SVOP: variants seen among roughly 807,000 people sequenced by gnomAD.
SVOP encodes the protein SV2 related protein, also known as synaptic vesicle 2-related protein.
In SVOP, 17 loss-of-function variants were observed where a neutral mutation model predicts 69.1. The ratio of observed to expected loss-of-function variants is 0.25; its 90% CI spans 0.17 to 0.37. The LOEUF is 0.37. Ranked by LOEUF, SVOP falls within the 10% of genes least tolerant of loss-of-function variation. The probability of loss-of-function intolerance (pLI) is 1.00; values close to 1 mark genes in which losing one functional copy is unlikely to be tolerated. For missense variants in SVOP, 435 were observed against 597.5 expected (o/e 0.73, Z 2.84); for synonymous variants, 238 against 238.6 (o/e 1.00, Z 0.02).
chr12:108,972,441 G>A lies in SVOP; in HGVS notation c.417C>T (p.Leu139=). 1 of 1,537,242 alleles carries A rather than the reference G, an allele frequency of 6.5e-7. No individual in the cohort carries two copies. The highest frequency in any genetic ancestry group is 8.7e-7 in the Non-Finnish European group (1 of 1,146,910). The change falls in exon 5 of 16, where the codon CTC becomes CTT. Residue 139 remains leucine, a synonymous_variant. Coordinates refer to ENST00000610966, the MANE Select transcript of SVOP (RefSeq NM_018711.5). ...VFVGMMSSST[L]WGNISDQYGR... Reference sequence around the variant, plus strand: ...CGTACTGGTCTGAGATATTTCCCCAGAGCGTGGAGCTGGACATCATGCCTA... The same window carrying A: ...CGTACTGGTCTGAGATATTTCCCCAAAGCGTGGAGCTGGACATCATGCCTA...
rs1468034543 is a variant in SVOP at position 108,912,286 on chromosome 12, T to C, written c.*249A>G. 2 of 1,384,706 alleles carry C rather than the reference T, an allele frequency of 1.4e-6. No individual in the cohort carries two copies. The highest frequency in any genetic ancestry group is 1.9e-6 in the Non-Finnish European group (2 of 1,070,970). 85.8% of individuals were successfully genotyped at this position (1,384,706 alleles called of 1,614,324 possible). ...TCCTAATATGGGTAGTCTTCCCATG[T>C]AGATCCACAGGTTATGAACAAAGCT... is the stretch of plus-strand genomic sequence containing the variant. On this transcript the variant is annotated 3_prime_UTR_variant, in exon 16 of 16. Transcript: ENST00000610966.
intron 6 of SVOP, among the ~76,000 whole-genome samples, chr12:108,947,314 G>C (rs535846004): frequency 1.3e-5 from 2 of 151,934 alleles, no homozygotes; most frequent in Non-Finnish European, 2.9e-5. Context: ...TGGGCCTCTT[G>C]GTGGACACAG....
intron 5 of SVOP, among the ~76,000 whole-genome samples, chr12:108,966,047 G>C (rs530253276): frequency 6.7e-6 from 1 of 149,504 alleles, no homozygotes; most frequent in South Asian, 2.1e-4. Flanking sequence ...TGTCACCCAG[G>C]CTGGAGTGCA....
chr12:108,992,306 G>A (rs148172045), intron 1 of SVOP, among the ~76,000 whole-genome samples: 39,388 of 151,588 alleles, frequency 0.26, 5,443 homozygotes, highest in African/African-American at 0.33. Flanking sequence ...TTTAGGAGGC[G>A]GAGGCAAGAG....
chr12:108,913,435 TC>T (rs1361722817), intron 15 of SVOP, among the ~76,000 whole-genome samples: 4 of 152,148 alleles, frequency 2.6e-5, no homozygotes, highest in Non-Finnish European at 5.9e-5. Flanking sequence ...AAGTACTTCA[TC>T]CCCATTTTAC....
intron 4 of SVOP, among the ~76,000 whole-genome samples, chr12:108,973,722 T>C (rs1202637007): frequency 1.3e-5 from 2 of 152,112 alleles, no homozygotes; most frequent in East Asian, 3.9e-4. Context: ...TTAAGGGAAT[T>C]CATTTCCAAG....
intron 4 of SVOP, among the ~76,000 whole-genome samples, chr12:108,975,650 G>A (rs2040102274): frequency 6.6e-6 from 1 of 152,110 alleles, no homozygotes; most frequent in African/African-American, 2.4e-5. Context: ...TCATCCAATG[G>A]CAAGAGACCA....
At chr12:109,019,614 G>A (rs1380110819) in intron 1 of SVOP, among the ~76,000 whole-genome samples, 1 of 152,050 alleles carries the variant, frequency 6.6e-6, no homozygotes, top group African/African-American at 2.4e-5. Flanking sequence ...TTTATGTACT[G>A]TTATATCTAC....
chr12:108,975,406 A>G (rs1235391823), intron 4 of SVOP, among the ~76,000 whole-genome samples: 1 of 152,214 alleles, frequency 6.6e-6, no homozygotes, highest in Non-Finnish European at 1.5e-5. Flanking sequence ...ATACCACAAG[A>G]AAGTAGCCCG....
chr12:108,986,457 T>A (rs550473909), intron 1 of SVOP, among the ~76,000 whole-genome samples: 2 of 152,334 alleles, frequency 1.3e-5, no homozygotes, highest in South Asian at 2.1e-4. Context: ...TAAAATTACA[T>A]ACATAACAAT....
intron 9 of SVOP, 112 bp from the exon 10 acceptor site, chr12:108,937,449 T>G: frequency 9.8e-7 from 1 of 1,022,488 alleles, no homozygotes; most frequent in Non-Finnish European, 1.5e-6. Context: ...TTCTAGTAAG[T>G]AGGACACTGG....
Position 109,021,014 on chromosome 12 carries a change from C to G in SVOP, c.-146G>C, listed in dbSNP as rs2040395324. On this transcript the variant is annotated 5_prime_UTR_variant, in exon 1 of 16. Coordinates refer to ENST00000610966, the MANE Select transcript of SVOP (RefSeq NM_018711.5). ...CAGCAGCTGTTCGGGGAGGGAGCCG[C>G]TGGGGACCAGCCCACGAGACAAAGC... 9 of 576,798 alleles carry G rather than the reference C, an allele frequency of 1.6e-5. No individual in the cohort carries two copies. The South Asian group carries it at 1.9e-4, about 12-fold the overall frequency. The allele number at this position is 576,798 out of a possible 1,614,324, so 35.7% of individuals were successfully genotyped here. A position where few individuals can be genotyped will look rare whatever the true frequency, so the allele number is the denominator to read the frequency against.
At chr12:108,921,659 C>T (rs556630857) in intron 12 of SVOP, among the ~76,000 whole-genome samples, 1 of 152,276 alleles carries the variant, frequency 6.6e-6, no homozygotes, top group South Asian at 2.1e-4. Flanking sequence ...CTCCCAGGTG[C>T]TAACTCCTTG....
chr12:108,994,743 G>A (rs1174192651), intron 1 of SVOP, among the ~76,000 whole-genome samples: 1 of 152,206 alleles, frequency 6.6e-6, no homozygotes, highest in East Asian at 1.9e-4. Context: ...AGTCCCTTCT[G>A]CTGCTAGCAT....
intron 1 of SVOP, among the ~76,000 whole-genome samples, chr12:109,015,027 G>T (rs945318478): frequency 6.6e-6 from 1 of 152,128 alleles, no homozygotes; most frequent in African/African-American, 2.4e-5. Flanking sequence ...GCCCAGCTCA[G>T]GTATTTTTTA....
rs1196533997 is a variant in SVOP, at chr12:108,946,049, CTCTA to C, written c.579-887_579-884del. Among the ~76,000 whole-genome samples, 43 of 152,202 alleles carry C rather than the reference CTCTA, an allele frequency of 2.8e-4. 1 individual carries two copies. The highest frequency in any genetic ancestry group is 2.8e-3 in the Admixed American group (43 of 15,278). ...CCACCAGCTTTTAGCCATTGACTAT[CTCTA>C]TCTAAGTCATCTACCACTGTGATGG... On this transcript the variant is annotated intron_variant, in intron 6 of 15. Transcript: ENST00000610966.
chr12:108,961,183 G>T, intron 5 of SVOP, 136 bp from the exon 6 acceptor site: 1 of 1,119,818 alleles, frequency 8.9e-7, no homozygotes. Flanking sequence ...GGGTTCCTCT[G>T]TATGGGGAGT....
chr12:108,994,231 A>G (rs1437712363), intron 1 of SVOP, among the ~76,000 whole-genome samples: 1 of 152,172 alleles, frequency 6.6e-6, no homozygotes, highest in East Asian at 1.9e-4. Context: ...CAGTGCCTCA[A>G]GCCTATAATC....
chr12:108,972,632 G>T (rs187414266), intron 4 of SVOP, among the ~76,000 whole-genome samples, 156 bp from the exon 5 acceptor site: 21 of 152,348 alleles, frequency 1.4e-4, no homozygotes, highest in Non-Finnish European at 2.2e-4. Context: ...AGTGCTTCCC[G>T]CAAGCTTCCC....
Sources: allele counts gnomAD v4.1 joint callset (sites outside exome capture counted in the v4.1 genomes callset), GRCh38; gene constraint gnomAD v4.1.1; transcripts MANE v1.5; gene names NCBI Gene and HGNC (gene_info 2026-07-23, HGNC 2026-07-21).